Variants in TCF12 observed in about 807,000 individuals in gnomAD.
The protein encoded by TCF12 is DNA-binding protein HTF4.
In TCF12, 45 loss-of-function variants were observed where a neutral mutation model predicts 86.0. The ratio of observed to expected loss-of-function variants is 0.52; its 90% CI spans 0.41 to 0.67. TCF12 has a LOEUF of 0.67. Ranked by LOEUF, TCF12 falls within the 30% of genes least tolerant of loss-of-function variation. The probability of loss-of-function intolerance (pLI) is 0.00; values close to 1 mark genes in which losing one functional copy is unlikely to be tolerated. For synonymous variants in TCF12, 330 were observed against 299.6 expected (o/e 1.10, Z -1.05); for missense variants, 881 against 859.9 (o/e 1.02, Z -0.31).
intron 3 of TCF12, among the ~76,000 whole-genome samples, chr15:57,000,325 C>T (rs978389518): frequency 2.7e-5 from 4 of 148,872 alleles, no homozygotes; most frequent in African/African-American, 9.9e-5. Flanking sequence ...CAGGCATGAG[C>T]CACTGCACCT....
intron 5 of TCF12, among the ~76,000 whole-genome samples, chr15:57,162,569 A>G (rs959523498): frequency 3.3e-5 from 5 of 152,204 alleles, no homozygotes; most frequent in Admixed American, 3.3e-4. Context: ...ATCAACTTTC[A>G]TTTCAGAAGA....
rs747883705 is a variant in TCF12 at position 57,232,313 on chromosome 15, C to G, written c.708C>G (p.Asp236Glu). The G allele has an allele frequency of 1.2e-4, 199 of 1,613,818 alleles. No individual in the cohort carries two copies. Among genetic ancestry groups the G allele is most frequent in the Non-Finnish European group, 1.6e-4 (194 of 1,179,892 alleles). ...TAGATGGGACCCACAATTCTTCTGA[C>G]CTTTGGAGTTCATCAAATGGGATGA... ...FMQDGTHNSS[D>E]LWSSSNGMSQ... Residue 236 changes from aspartate to glutamate, a missense_variant, in exon 10 of 21, where the codon GAC (aspartate) becomes GAG (glutamate). Asp to Glu is a conservative substitution (Grantham distance 45, BLOSUM62 2). This residue lies in a region of TCF12 where 766 missense variants were observed against 718.9 expected (regional missense o/e 1.07). Coordinates refer to ENST00000333725, the MANE Select transcript of TCF12 (RefSeq NM_207037.2).
intron 6 of TCF12, among the ~76,000 whole-genome samples, chr15:57,176,590 T>C (rs151053248): frequency 5.4e-4 from 83 of 152,294 alleles, no homozygotes; most frequent in African/African-American, 1.9e-3. Flanking sequence ...ATTCCTCCCA[T>C]TTGATAGCTG....
chr15:57,007,863 TTCCTTCCTTCCTTCCTTCCTTCC>T (rs2064537683), intron 3 of TCF12, among the ~76,000 whole-genome samples: 1 of 12,480 alleles, frequency 8.0e-5, no homozygotes, highest in African/African-American at 2.0e-4. Context: ...CCTTCCTTCC[TTCCTTCCTTCCTTCCTTCCTTCC>T]TTCCTTCCTT....
intron 5 of TCF12, among the ~76,000 whole-genome samples, chr15:57,112,925 C>T (rs1024598866): frequency 6.6e-6 from 1 of 152,142 alleles, no homozygotes; most frequent in Admixed American, 6.5e-5. Flanking sequence ...AATCCAAACT[C>T]ATTTAACTAA....
intron 8 of TCF12, among the ~76,000 whole-genome samples, chr15:57,216,738 A>G (rs2151842989): frequency 6.6e-6 from 1 of 152,256 alleles, no homozygotes; most frequent in South Asian, 2.1e-4. Context: ...AGAAAAAAAG[A>G]TTTTATTATA....
chr15:57,148,701 C>CAAAA lies in TCF12; in HGVS notation c.326-17686_326-17683dup, dbSNP rs61526953. 2.0e-3 allele frequency among the ~76,000 whole-genome samples: 245 copies of CAAAA among 124,314 alleles called. 3 individuals are homozygous for CAAAA. Among genetic ancestry groups the CAAAA allele is most frequent in the Middle Eastern group, 4.1e-3 (1 of 242 alleles). 81.6% of individuals were successfully genotyped at this position (124,314 alleles called of 152,430 possible). On this transcript the variant is annotated intron_variant, in intron 5 of 20. Coordinates refer to ENST00000333725, the MANE Select transcript of TCF12 (RefSeq NM_207037.2). ...TTCGAGACCAGCCTGGGTGACGTGG[C>CAAAA]AAAAAAAAAAAAAAAAAATACAAAA...
intron 5 of TCF12, among the ~76,000 whole-genome samples, chr15:57,100,646 A>G (rs1195150486): frequency 1.3e-5 from 2 of 152,134 alleles, no homozygotes; most frequent in East Asian, 3.9e-4. Flanking sequence ...AAATGGTTTC[A>G]TATTAAAATT....
At chr15:57,128,851 A>G (rs1356935620) in intron 5 of TCF12, among the ~76,000 whole-genome samples, 1 of 152,258 alleles carries the variant, frequency 6.6e-6, no homozygotes, top group African/African-American at 2.4e-5. Context: ...GTGTTATGTT[A>G]CATAATCAAT....
chr15:57,280,579 TTA>T (rs1298987045), intron 19 of TCF12, among the ~76,000 whole-genome samples: 15 of 152,194 alleles, frequency 9.9e-5, no homozygotes, highest in African/African-American at 3.4e-4. Context: ...TTTACCTACT[TTA>T]AAGGGGAATC....
At chr15:56,940,442 TTTC>T (rs140177247) in intron 3 of TCF12, among the ~76,000 whole-genome samples, 1,529 of 152,052 alleles carry the variant, frequency 0.01, 10 homozygotes, top group Non-Finnish European at 0.014. Context: ...TTAGCAATTG[TTTC>T]TTCTTCTTCT....
rs138145337 is a variant in TCF12, at chr15:57,197,152, C to CTTTTTTTTTTTTTTTTTT, written c.527-617_527-600dup. Reference sequence around the variant, plus strand: ...TATAGTACCTGGCACAGAACAGCTTCTTTTTTTTTTTTTTTTTTTTTGAGA... The same window carrying CTTTTTTTTTTTTTTTTTT: ...TATAGTACCTGGCACAGAACAGCTTCTTTTTTTTTTTTTTTTTTTTTTTTTTTTTTTTTTTTTTTGAGA... On this transcript the variant is annotated intron_variant, in intron 7 of 20. Transcript: ENST00000333725. Among the ~76,000 whole-genome samples, 129 of 87,250 alleles carry CTTTTTTTTTTTTTTTTTT rather than the reference C, an allele frequency of 1.5e-3. 9 individuals are homozygous for CTTTTTTTTTTTTTTTTTT. Among genetic ancestry groups the CTTTTTTTTTTTTTTTTTT allele is most frequent in the East Asian group, 2.1e-3 (6 of 2,822 alleles). 57.2% of individuals were successfully genotyped at this position (87,250 alleles called of 152,430 possible).
At chr15:57,074,011 A>G (rs772263275) in intron 4 of TCF12, among the ~76,000 whole-genome samples, 3 of 152,032 alleles carry the variant, frequency 2.0e-5, no homozygotes, top group Admixed American at 6.6e-5. Flanking sequence ...CGTCCTCCCA[A>G]AGTGCTGGGA....
intron 8 of TCF12, among the ~76,000 whole-genome samples, chr15:57,216,872 C>T (rs1364141550): frequency 6.6e-6 from 1 of 152,010 alleles, no homozygotes; most frequent in East Asian, 1.9e-4. Flanking sequence ...AAGACTTTTC[C>T]ATAGCATACA....
chr15:56,979,334 T>G (rs1421331479), intron 3 of TCF12, among the ~76,000 whole-genome samples: 2 of 152,334 alleles, frequency 1.3e-5, no homozygotes, highest in Admixed American at 1.3e-4. Context: ...TCATTGACTT[T>G]ATTTAAAATA....
At chr15:56,970,813 C>A (rs2062271378) in intron 3 of TCF12, among the ~76,000 whole-genome samples, 1 of 150,678 alleles carries the variant, frequency 6.6e-6, no homozygotes, top group African/African-American at 2.4e-5. Context: ...GCTTTGGGAA[C>A]CTGAGGCAGA....
intron 16 of TCF12, among the ~76,000 whole-genome samples, chr15:57,257,896 C>T (rs1322490901): frequency 6.6e-6 from 1 of 152,062 alleles, no homozygotes; most frequent in African/African-American, 2.4e-5. Flanking sequence ...ATTGAAATGT[C>T]AGCATTTGGC....
At chr15:56,968,778 T>C (rs555136057) in intron 3 of TCF12, among the ~76,000 whole-genome samples, 1 of 152,290 alleles carries the variant, frequency 6.6e-6, no homozygotes, top group East Asian at 1.9e-4. Context: ...CCTGATGACA[T>C]GTGCTCAAGG....
chr15:57,245,813 TCAG>T (rs779226160), intron 13 of TCF12, among the ~76,000 whole-genome samples: 1 of 152,178 alleles, frequency 6.6e-6, no homozygotes, highest in Non-Finnish European at 1.5e-5. Flanking sequence ...TCTTTTTAAT[TCAG>T]CAGTCATAAT....
Sources: gnomAD v4.1 joint callset for allele counts (sites outside exome capture counted in the v4.1 genomes callset) on GRCh38, gnomAD v4.1.1 for gene constraint, gnomAD v4.1.1 regional missense constraint, MANE v1.5 for transcripts, NCBI Gene and HGNC (gene_info 2026-07-23, HGNC 2026-07-21) for gene names.